The following UBE2A variants were observed in gnomAD, a reference collection of about 807,000 sequenced individuals.
UBE2A encodes the protein ubiquitin-conjugating enzyme E2 A.
For missense variants in UBE2A, 27 were observed against 125.8 expected (o/e 0.21, Z 3.76); for synonymous variants, 39 against 41.1 (o/e 0.95, Z 0.20).
At chrX:119,582,528 T>G (rs1379047527) in intron 4 of UBE2A, 60 bp from the exon 5 acceptor site, 10 of 927,712 alleles carry the variant, frequency 1.1e-5, no homozygotes, top group Non-Finnish European at 1.5e-5. Context: ...TTGTTTTGTC[T>G]ATAATGTTAA....
intron 5 of UBE2A, 75 bp downstream of exon 5, chrX:119,582,751 C>A: frequency 2.4e-6 from 2 of 836,472 alleles, no homozygotes; most frequent in South Asian, 2.1e-5. Context: ...TTTTGAAAGT[C>A]ATAATGTAAT....
At chrX:119,575,524 C>T in intron 3 of UBE2A, 124 bp downstream of exon 3, 1 of 913,966 alleles carries the variant, frequency 1.1e-6, no homozygotes, top group Non-Finnish European at 1.6e-6. Context: ...CTGCTAAAGG[C>T]TTGAGTGGAA....
At chrX:119,578,288 C>T (rs2053430972) in intron 3 of UBE2A, among the ~76,000 whole-genome samples, 1 of 111,900 alleles carries the variant, frequency 8.9e-6, no homozygotes, top group African/African-American at 3.2e-5. Context: ...GGTATACATG[C>T]TAAATACAAA....
intron 5 of UBE2A, 131 bp from the exon 6 acceptor site, chrX:119,582,996 A>G (rs949787586): frequency 1.2e-6 from 1 of 850,489 alleles, no homozygotes; most frequent in African/African-American, 2.0e-5. Flanking sequence ...TAGCAGATTC[A>G]CATAACTCTG....
Position 119,583,764 on chromosome X carries a change from C to G in UBE2A, c.*509C>G, listed in dbSNP as rs2053468296. 8.1e-6 allele frequency: 1 copy of G among 124,045 alleles called. No individual in the cohort carries two copies. Among genetic ancestry groups the G allele is most frequent in the Non-Finnish European group, 1.7e-5 (1 of 60,508 alleles). 10.2% of individuals were successfully genotyped at this position (124,045 alleles called of 1,213,427 possible). A position where few individuals can be genotyped will look rare whatever the true frequency, so the allele number is the denominator to read the frequency against. ...GAAGGAGGCATGGGAGCTAAAAATC[C>G]TGTGATACTAAGATCTCAGTCATAT... On this transcript the variant is annotated 3_prime_UTR_variant, in exon 6 of 6. Coordinates refer to ENST00000371558, the MANE Select transcript of UBE2A (RefSeq NM_003336.4).
intron 3 of UBE2A, 22 bp downstream of exon 3, chrX:119,575,422 C>T (rs369554164): frequency 2.3e-4 from 275 of 1,209,088 alleles, no homozygotes; most frequent in Non-Finnish European, 3.0e-4. Context: ...TTTCTTTACC[C>T]ACTTTTCAGG....
chrX:119,575,179 GGGGGC>G, intron 2 of UBE2A, 191 bp from the exon 3 acceptor site: 5 of 748,183 alleles, frequency 6.7e-6, no homozygotes, highest in Non-Finnish European at 1.0e-5. Context: ...GGGGTTCTAG[GGGGGC>G]GGGGCGGGGA....
In UBE2A at chrX:119,575,361, T is replaced by C; in HGVS notation, c.126-14T>C. The C allele has an allele frequency of 8.3e-7, 1 of 1,211,676 alleles. No individual in the cohort carries two copies. Among genetic ancestry groups the C allele is most frequent in the South Asian group, 1.8e-5 (1 of 56,974 alleles). On this transcript the variant is annotated splice_polypyrimidine_tract_variant and intron_variant, in intron 2 of 5. Transcript: ENST00000371558. ...CCCTTAAGTGGGAACTGACCATTTT[T>C]CTCTGTGTTGCAGGCCTGAAGGGAC...
chrX:119,579,199 C>T (rs748944948), intron 3 of UBE2A, among the ~76,000 whole-genome samples: 8 of 111,787 alleles, frequency 7.2e-5, no homozygotes, highest in Non-Finnish European at 1.5e-4. Flanking sequence ...AAAAGACTTG[C>T]GATTAACTTC....
chrX:119,575,846 G>A (rs1305990648), intron 3 of UBE2A: 1 of 139,354 alleles, frequency 7.2e-6, no homozygotes, highest in Non-Finnish European at 1.4e-5. Context: ...TGGATGTTGA[G>A]TGGATGCGAG....
Position 119,583,387 on chromosome X carries a change from C to T in UBE2A, c.*132C>T, listed in dbSNP as rs2053464622. ...TGTTGTGCTGTTTCCATCTTCCTTG[C>T]CAAGTTTTCCTACCCCTTCTACCCT... On this transcript the variant is annotated 3_prime_UTR_variant, in exon 6 of 6. Coordinates refer to ENST00000371558, the MANE Select transcript of UBE2A (RefSeq NM_003336.4). 6 of 968,152 alleles carry T rather than the reference C, an allele frequency of 6.2e-6. No individual in the cohort carries two copies. The highest frequency in any genetic ancestry group is 1.9e-5 in the African/African-American group (1 of 52,344). The allele number at this position is 968,152 out of a possible 1,213,427, so 79.8% of individuals were successfully genotyped here.
intron 3 of UBE2A, chrX:119,575,741 T>G (rs2053412108): frequency 8.7e-6 from 2 of 229,436 alleles, no homozygotes; most frequent in Admixed American, 1.2e-4. Flanking sequence ...CCCAACCAGT[T>G]GCTGATAGGC....
chrX:119,583,257 C>T lies in UBE2A; in HGVS notation c.*2C>T, dbSNP rs1467807667. ...GAACAAAGCTGGCGTGATTGTTGAC[C>T]CCGGGTACAGTTTAAAGAAGCTGGC... is the stretch of plus-strand genomic sequence containing the variant. On this transcript the variant is annotated 3_prime_UTR_variant, in exon 6 of 6. Transcript: ENST00000371558. The T allele has an allele frequency of 5.8e-6, 7 of 1,211,223 alleles. No individual in the cohort carries two copies. The highest frequency in any genetic ancestry group is 6.7e-6 in the Non-Finnish European group (6 of 895,382).
At chrX:119,581,828 T>G (rs1041358534) in intron 4 of UBE2A, among the ~76,000 whole-genome samples, 1 of 112,660 alleles carries the variant, frequency 8.9e-6, no homozygotes, top group Non-Finnish European at 1.9e-5. Flanking sequence ...ATGACCTTTG[T>G]CATTTACTTA....
chrX:119,584,049 C>T lies in UBE2A; in HGVS notation c.*794C>T, dbSNP rs1295086392. ...AATCTTTTTAAAGGATCAGTGCTGC[C>T]CTAAGTGAATAAACTCAATTGTCCA... On this transcript the variant is annotated 3_prime_UTR_variant, in exon 6 of 6. Coordinates refer to ENST00000371558, the MANE Select transcript of UBE2A (RefSeq NM_003336.4). 1 of 111,862 alleles carries T rather than the reference C, an allele frequency of 8.9e-6. No homozygotes were observed. The highest frequency in any genetic ancestry group is 3.3e-5 in the African/African-American group (1 of 30,665). The allele number at this position is 111,862 out of a possible 1,213,427, so 9.2% of individuals were successfully genotyped here.
chrX:119,575,080 G>A (rs941172404), intron 2 of UBE2A, 99 bp downstream of exon 2: 91 of 1,073,290 alleles, frequency 8.5e-5, no homozygotes, highest in Non-Finnish European at 1.2e-4. Flanking sequence ...AGCGGGTAGG[G>A]GAAAATGTTT....
intron 3 of UBE2A, among the ~76,000 whole-genome samples, chrX:119,577,704 G>T (rs1460326852): frequency 1.1e-5 from 1 of 89,712 alleles, no homozygotes; most frequent in Non-Finnish European, 2.1e-5. Context: ...GCAGTGGCAC[G>T]AGCTCAGCTC....
chrX:119,575,062 G>T, intron 2 of UBE2A, 81 bp downstream of exon 2: 1 of 1,130,040 alleles, frequency 8.8e-7, no homozygotes, highest in South Asian at 1.8e-5. Flanking sequence ...GGCCCCCCGC[G>T]GAGGCCGAGC....
intron 4 of UBE2A, 23 bp from the exon 5 acceptor site, chrX:119,582,565 T>C (rs1357627214): frequency 1.8e-6 from 2 of 1,135,287 alleles, no homozygotes; most frequent in Non-Finnish European, 1.2e-6. Context: ...TTACGTTTAA[T>C]GTACCTACTT....
Sources: allele counts gnomAD v4.1 joint callset (sites outside exome capture counted in the v4.1 genomes callset), GRCh38; gene constraint gnomAD v4.1.1; transcripts MANE v1.5; gene names NCBI Gene and HGNC (gene_info 2026-07-23, HGNC 2026-07-21).